Variants in FAM149A observed in about 807,000 individuals in gnomAD.
The protein encoded by FAM149A is protein FAM149A.
In FAM149A, 71 loss-of-function variants were observed where a neutral mutation model predicts 78.2. That is an observed-to-expected ratio of 0.91 (90% CI 0.75 to 1.11). The LOEUF (loss-of-function observed/expected upper bound fraction) is 1.11. Ranked by LOEUF, FAM149A falls within the 50% of genes least tolerant of loss-of-function variation. The pLI, the probability that FAM149A is intolerant of heterozygous loss-of-function variation, is 0.00. For missense variants in FAM149A, 1,036 were observed against 971.0 expected (o/e 1.07, Z -0.89); for synonymous variants, 446 against 410.5 (o/e 1.09, Z -1.04).
chr4:186,163,234 C>T (rs1426622408), intron 9 of FAM149A, among the ~76,000 whole-genome samples, 190 bp from the exon 10 acceptor site: 2 of 152,208 alleles, frequency 1.3e-5, no homozygotes, highest in Admixed American at 6.5e-5. Flanking sequence ...AACCTTAGCC[C>T]TCTGCCTGTG....
chr4:186,113,693 G>C (rs2150082147), intron 1 of FAM149A, among the ~76,000 whole-genome samples: 1 of 150,666 alleles, frequency 6.6e-6, no homozygotes, highest in Admixed American at 6.6e-5. Flanking sequence ...TTTCCATGTA[G>C]TTGAGCGGTT....
chr4:186,154,660 A>G (rs543470869), intron 6 of FAM149A, 22 bp downstream of exon 6: 25 of 1,593,868 alleles, frequency 1.6e-5, no homozygotes, highest in Admixed American at 3.4e-5. Context: ...CTTATTTGAC[A>G]TTGACCTCAT....
At chr4:186,158,400 G>T (rs1734242122) in intron 8 of FAM149A, 2 of 1,194,892 alleles carry the variant, frequency 1.7e-6, no homozygotes, top group South Asian at 1.7e-5. Flanking sequence ...TGGGCCTGAA[G>T]GGGTGGCTGC....
intron 1 of FAM149A, chr4:186,109,142 C>A: frequency 2.0e-6 from 2 of 985,154 alleles, no homozygotes; most frequent in Non-Finnish European, 2.4e-6. Context: ...CCACCGCGCC[C>A]GGCCGGTCTT....
intron 13 of FAM149A, among the ~76,000 whole-genome samples, chr4:186,170,389 G>A (rs2126558535): frequency 6.6e-6 from 1 of 152,364 alleles, no homozygotes; most frequent in East Asian, 1.9e-4. Flanking sequence ...GCAGTGCCTG[G>A]TGCATAACAA....
At chr4:186,139,356 A>G (rs2099324850) in intron 1 of FAM149A, among the ~76,000 whole-genome samples, 1 of 152,156 alleles carries the variant, frequency 6.6e-6, no homozygotes, top group South Asian at 2.1e-4. Context: ...CAAAATTCAT[A>G]GGTTGAAATC....
intron 1 of FAM149A, among the ~76,000 whole-genome samples, chr4:186,141,271 T>C (rs573358279): frequency 4.6e-5 from 7 of 152,312 alleles, no homozygotes; most frequent in African/African-American, 1.7e-4. Flanking sequence ...AAATATGTTA[T>C]TGGTGTAAAA....
chr4:186,109,023 A>G (rs758695665), intron 1 of FAM149A: 23 of 169,278 alleles, frequency 1.4e-4, no homozygotes, highest in Middle Eastern at 3.0e-3. Context: ...AATTTTTTGT[A>G]TTTTTAGTAG....
intron 4 of FAM149A, 98 bp from the exon 5 acceptor site, chr4:186,153,547 C>T (rs1733783098): frequency 1.3e-6 from 2 of 1,522,966 alleles, no homozygotes; most frequent in Non-Finnish European, 1.8e-6. Flanking sequence ...TCTTATCATA[C>T]ACATGCCTTC....
chr4:186,126,950 CT>C (rs754381001), intron 1 of FAM149A: 2 of 985,388 alleles, frequency 2.0e-6, no homozygotes, highest in Non-Finnish European at 2.4e-6. Flanking sequence ...TAATTTTCTG[CT>C]TTGGAACCAC....
At position 186,138,870 on chromosome 4, in the gene FAM149A, TGCTTCCATACTGCACTCTTGGAGTCAA is replaced by T. The variant is rs1561397499; in HGVS notation, c.567-10279_567-10253del. 4.6e-5 allele frequency among the ~76,000 whole-genome samples: 7 copies of T among 152,154 alleles called. No homozygotes were observed. The South Asian group carries it at 1.2e-3, about 27-fold the overall frequency. On this transcript the variant is annotated intron_variant, in intron 1 of 13. Transcript: ENST00000389354. ...GCTGCTCCCCTGTAAAGTCACCCCC[TGCTTCCATACTGCACTCTTGGAGTCAA>T]GCTTCCATACTGCACTCTTGGAGAA... is the stretch of plus-strand genomic sequence containing the variant.
chr4:186,117,472 T>G (rs2099314223), intron 1 of FAM149A: 1 of 985,158 alleles, frequency 1.0e-6, no homozygotes, highest in Non-Finnish European at 1.2e-6. Context: ...GGCGCGGAGA[T>G]GATGCTGAAC....
At chr4:186,163,690 CAGTT>C in intron 10 of FAM149A, 57 bp downstream of exon 10, 1 of 1,289,824 alleles carries the variant, frequency 7.8e-7, no homozygotes, top group Non-Finnish European at 1.1e-6. Flanking sequence ...AGATGCTTCT[CAGTT>C]AGGGTTTATG....
intron 1 of FAM149A, among the ~76,000 whole-genome samples, chr4:186,121,905 C>T (rs2099316223): frequency 6.6e-6 from 1 of 152,120 alleles, no homozygotes; most frequent in Non-Finnish European, 1.5e-5. Context: ...GACTCAAGCG[C>T]CCCTGTGATT....
intron 8 of FAM149A, 52 bp from the exon 9 acceptor site, chr4:186,162,793 A>G: frequency 1.0e-6 from 1 of 983,230 alleles, no homozygotes; most frequent in Non-Finnish European, 1.6e-6. Flanking sequence ...TTGGAACGGC[A>G]CTGGGCATTT....
In FAM149A at chr4:186,105,071, C is replaced by A; in HGVS notation, c.-6C>A. The A allele has an allele frequency of 7.9e-7, 1 of 1,271,080 alleles. No individual in the cohort carries two copies. The highest frequency in any genetic ancestry group is 1.0e-6 in the Non-Finnish European group (1 of 980,798). The allele number at this position is 1,271,080 out of a possible 1,614,324, so 78.7% of individuals were successfully genotyped here. On this transcript the variant is annotated 5_prime_UTR_variant, in exon 1 of 14. Coordinates refer to ENST00000389354, the MANE Select transcript of FAM149A (RefSeq NM_001367768.3). ...GCGGCGAGGACGGCGTGTCCACTGT[C>A]GAGGCATGAAGGCTGCTGTGCTGGA...
intron 1 of FAM149A, among the ~76,000 whole-genome samples, chr4:186,131,522 C>A (rs575300607): frequency 2.3e-4 from 35 of 152,310 alleles, no homozygotes; most frequent in African/African-American, 7.9e-4. Context: ...ATAACTGTGA[C>A]AAATAAATGT....
intron 13 of FAM149A, among the ~76,000 whole-genome samples, chr4:186,170,583 G>A (rs922779526): frequency 1.3e-5 from 2 of 152,190 alleles, no homozygotes; most frequent in Admixed American, 6.5e-5. Flanking sequence ...CCAAGCCAAG[G>A]CACTCGGGAC....
chr4:186,141,983 C>T, intron 1 of FAM149A, among the ~76,000 whole-genome samples: 1 of 152,152 alleles, frequency 6.6e-6, no homozygotes, highest in East Asian at 1.9e-4. Flanking sequence ...AAAAGAGGCA[C>T]AGACTTTTGG....
Sources: gnomAD v4.1 joint callset for allele counts (sites outside exome capture counted in the v4.1 genomes callset) on GRCh38, gnomAD v4.1.1 for gene constraint, MANE v1.5 for transcripts, NCBI Gene and HGNC (gene_info 2026-07-23, HGNC 2026-07-21) for gene names.